The following SCN8A variants were observed in gnomAD, a reference collection of about 807,000 sequenced individuals.
SCN8A encodes sodium channel protein type 8 subunit alpha.
A neutral mutation model predicts 184.1 loss-of-function variants in SCN8A; 30 were observed. That is an observed-to-expected ratio of 0.16 (90% CI 0.12 to 0.22). The LOEUF is 0.22. SCN8A is among the 10% of genes least tolerant of loss of function. The probability of loss-of-function intolerance (pLI) is 1.00; values close to 1 mark genes in which losing one functional copy is unlikely to be tolerated. For missense variants in SCN8A, 1,057 were observed against 2,498.9 expected, an observed-to-expected ratio of 0.42 and a Z score of 12.30; for synonymous variants, 852 against 907.0, an observed-to-expected ratio of 0.94 and a Z score of 1.09.
intron 14 of SCN8A, among the ~76,000 whole-genome samples, chr12:51,760,865 A>G (rs114946089): frequency 0.012 from 1,841 of 152,212 alleles, 35 homozygotes; most frequent in African/African-American, 0.04. Flanking sequence ...CCACTTATCC[A>G]TTTTGATGTA....
chr12:51,741,358 G>C (rs778562115), intron 12 of SCN8A, among the ~76,000 whole-genome samples: 19 of 152,062 alleles, frequency 1.2e-4, no homozygotes, highest in African/African-American at 1.9e-4. Flanking sequence ...ATCTTTATAG[G>C]TGAAGTGTGT....
chr12:51,601,336 A>G (rs1939458742), intron 1 of SCN8A, among the ~76,000 whole-genome samples: 2 of 152,112 alleles, frequency 1.3e-5, no homozygotes. Flanking sequence ...GGGTTGTGTA[A>G]AACCCAAGAA....
At chr12:51,664,870 C>T (rs540886599) in intron 2 of SCN8A, among the ~76,000 whole-genome samples, 7 of 152,210 alleles carry the variant, frequency 4.6e-5, no homozygotes, top group Admixed American at 4.6e-4. Context: ...CTTCCTGATG[C>T]TCTCCCTCCC....
rs185590220 is a variant in SCN8A at position 51,756,479 on chromosome 12, G to A, written c.2370+4886G>A. ...TCAGCCCACTCCGGGATCTTCTCCT[G>A]GAGATGCTATCTTTACCTTACTTAA... On this transcript the variant is annotated intron_variant, in intron 14 of 26. Coordinates refer to ENST00000627620, the MANE Select transcript of SCN8A (RefSeq NM_001330260.2). Among the ~76,000 whole-genome samples the A allele has an allele frequency of 6.0e-4, 91 of 152,262 alleles. 7 individuals are homozygous for A. The highest frequency in any genetic ancestry group is 1.2e-3 in the South Asian group (6 of 4,822).
intron 1 of SCN8A, among the ~76,000 whole-genome samples, chr12:51,609,144 A>G (rs993315068): frequency 6.6e-6 from 1 of 152,156 alleles, no homozygotes; most frequent in African/African-American, 2.4e-5. Flanking sequence ...GACTTGTTTT[A>G]TGGCCCATCA....
At position 51,745,960 on chromosome 12, in the gene SCN8A, G is replaced by C. The variant is rs373073046; in HGVS notation, c.2056G>C (p.Asp686His). The C allele has an allele frequency of 6.2e-7, 1 of 1,611,740 alleles. No homozygotes were observed. Among genetic ancestry groups the C allele is most frequent in the Non-Finnish European group, 8.5e-7 (1 of 1,178,894 alleles). The part of the protein sequence containing the change: ...KGPGSLLVSM[D>H]QLASYGRKDR... The stretch of plus-strand genomic sequence containing the variant: ...CCCTGGATCTCTTTTAGTTTCCATG[G>C]ACCAATTAGCCTCCTACGGGCGGAA... The change falls in exon 13 of 27, where the codon GAC (aspartate) becomes CAC (histidine). Residue 686 changes from aspartate to histidine, a missense_variant. This residue lies in a region of SCN8A where 322 missense variants were observed against 390.1 expected (regional missense o/e 0.83). Coordinates refer to ENST00000627620, the MANE Select transcript of SCN8A (RefSeq NM_001330260.2).
At chr12:51,789,147 G>A in intron 23 of SCN8A, 134 bp from the exon 24 acceptor site, 1 of 895,456 alleles carries the variant, frequency 1.1e-6, no homozygotes, top group Non-Finnish European at 1.7e-6. Flanking sequence ...AAGGAGGCAG[G>A]CAGAAAGAAT....
chr12:51,745,579 A>G (rs934926785), intron 12 of SCN8A, among the ~76,000 whole-genome samples: 16 of 152,244 alleles, frequency 1.1e-4, no homozygotes, highest in Non-Finnish European at 1.9e-4. Context: ...CTCAGGGTCT[A>G]CTTCGGATGA....
chr12:51,783,972 C>G (rs911319238), intron 21 of SCN8A, among the ~76,000 whole-genome samples: 24 of 152,000 alleles, frequency 1.6e-4, no homozygotes, highest in African/African-American at 5.6e-4. Flanking sequence ...ATGTCTAGTT[C>G]TTAACAATAA....
chr12:51,652,704 C>A (rs1940742319), intron 1 of SCN8A, among the ~76,000 whole-genome samples: 1 of 152,210 alleles, frequency 6.6e-6, no homozygotes, highest in East Asian at 1.9e-4. Flanking sequence ...ACCCACCCTA[C>A]CAGCCCATCT....
intron 1 of SCN8A, among the ~76,000 whole-genome samples, chr12:51,611,586 C>A (rs1939721811): frequency 6.6e-6 from 1 of 151,252 alleles, no homozygotes; most frequent in African/African-American, 2.4e-5. Flanking sequence ...CAACCTCTGC[C>A]TCCTGGGTTC....
chr12:51,728,553 G>A (rs958050233), intron 12 of SCN8A, among the ~76,000 whole-genome samples: 7 of 152,016 alleles, frequency 4.6e-5, no homozygotes, highest in East Asian at 1.9e-4. Flanking sequence ...GGGCAACATA[G>A]TGAGACCTCA....
intron 23 of SCN8A, 98 bp downstream of exon 23, chr12:51,788,846 A>C: frequency 1.1e-6 from 1 of 925,202 alleles, no homozygotes; most frequent in Non-Finnish European, 1.6e-6. Context: ...GGGATGAAGG[A>C]ATGGAGGAGT....
chr12:51,741,828 C>G (rs963772421), intron 12 of SCN8A, among the ~76,000 whole-genome samples: 1 of 152,124 alleles, frequency 6.6e-6, no homozygotes, highest in African/African-American at 2.4e-5. Context: ...CCTCAGCCCC[C>G]CAAGTAGCTG....
Position 51,641,786 on chromosome 12 carries a change from G to A in SCN8A, c.-54-20978G>A, listed in dbSNP as rs77600826. Among the ~76,000 whole-genome samples the A allele has an allele frequency of 2.4e-4, 37 of 152,142 alleles. 1 individual carries two copies. The East Asian group carries it at 7.1e-3, about 29-fold the overall frequency. Reference sequence around the variant, plus strand: ...ACACTGAATTCCAGCCCACACCCTCGCCCTGGCAGTGTAACTCAAATGTAA... The same window carrying A: ...ACACTGAATTCCAGCCCACACCCTCACCCTGGCAGTGTAACTCAAATGTAA... On this transcript the variant is annotated intron_variant, in intron 1 of 26. Transcript: ENST00000627620.
At chr12:51,641,772 C>A (rs1940459311) in intron 1 of SCN8A, among the ~76,000 whole-genome samples, 1 of 152,110 alleles carries the variant, frequency 6.6e-6, no homozygotes, top group Non-Finnish European at 1.5e-5. Context: ...CACTGAATTC[C>A]AGCCCACACC....
chr12:51,761,454 TTTATTTATTTATTA>T (rs1167490544), intron 14 of SCN8A, among the ~76,000 whole-genome samples: 144 of 149,946 alleles, frequency 9.6e-4, no homozygotes, highest in Middle Eastern at 3.5e-3. Context: ...TATTTATTTA[TTTATTTATTTATTA>T]TTATTTATTT....
At chr12:51,797,955 A>G (rs747838256) in intron 26 of SCN8A, among the ~76,000 whole-genome samples, 11 of 152,180 alleles carry the variant, frequency 7.2e-5, no homozygotes, top group Admixed American at 1.3e-4. Flanking sequence ...AAATTTTGCT[A>G]GCCGGTCACT....
At chr12:51,682,195 G>T (rs924165757) in intron 2 of SCN8A, among the ~76,000 whole-genome samples, 2 of 152,120 alleles carry the variant, frequency 1.3e-5, no homozygotes, top group Admixed American at 1.3e-4. Flanking sequence ...TGGTCATGGT[G>T]TGCAACCCTT....
Sources: allele counts gnomAD v4.1 joint callset (sites outside exome capture counted in the v4.1 genomes callset), GRCh38; gene constraint gnomAD v4.1.1; regional missense constraint gnomAD v4.1.1; transcripts MANE v1.5; gene names NCBI Gene and HGNC (gene_info 2026-07-23, HGNC 2026-07-21).